The following CD163L1 variants were observed in gnomAD, a reference collection of about 807,000 sequenced individuals.
CD163L1 encodes CD163 molecule like 1.
A neutral mutation model predicts 165.4 loss-of-function variants in CD163L1; 124 were observed. The observed-to-expected ratio is 0.75, with a 90% CI of 0.65 to 0.87. The LOEUF is 0.87. CD163L1 is among the 40% of genes least tolerant of loss of function. The pLI, the probability that CD163L1 is intolerant of heterozygous loss-of-function variation, is 0.00. For synonymous variants in CD163L1, 585 were observed against 662.2 expected (o/e 0.88, Z 1.79); for missense variants, 1,525 against 1,799.9 (o/e 0.85, Z 2.76).
At position 7,396,351 on chromosome 12, in the gene CD163L1, C is replaced by T; in HGVS notation, c.1794G>A (p.Val598=). 6.2e-7 allele frequency: 1 copy of T among 1,613,330 alleles called. No individual in the cohort carries two copies. Among genetic ancestry groups the T allele is most frequent in the Non-Finnish European group, 8.5e-7 (1 of 1,179,314 alleles). The change falls in exon 8 of 20, where the codon GTG becomes GTA. Residue 598 remains valine (V), a synonymous_variant. Transcript: ENST00000313599. The part of the protein sequence containing the change: ...GSNRCSGRLE[V]YFQGRWGTVC... ...CTGTGCCCCACCGTCCTTGAAAGTA[C>T]ACCTCCAGTCTTCCCGAGCAGCGGT...
In CD163L1 at chr12:7,432,856, AT is replaced by A. The variant is rs1165155455; in HGVS notation, c.446-121del. On this transcript the variant is annotated intron_variant, in intron 3 of 19. Coordinates refer to ENST00000313599, the MANE Select transcript of CD163L1 (RefSeq NM_174941.6). This position sits in a 1 kb window ranked among gnomAD's most constrained non-coding sequence, Gnocchi z 4.2. ...TGAAGTTACCAAAAATTAAAAAAAA[AT>A]AACTGAAAATACTTATAGGAGGGGT... 8.7e-6 allele frequency: 7 copies of A among 801,858 alleles called. No individual in the cohort carries two copies. The highest frequency in any genetic ancestry group is 5.6e-5 in the East Asian group (2 of 35,958). The allele number at this position is 801,858 out of a possible 1,614,324, so 49.7% of individuals were successfully genotyped here. A position where few individuals can be genotyped will look rare whatever the true frequency, so the allele number is the denominator to read the frequency against.
At chr12:7,384,669 C>T (rs1208753567) in intron 8 of CD163L1, among the ~76,000 whole-genome samples, 3 of 151,906 alleles carry the variant, frequency 2.0e-5, no homozygotes, top group African/African-American at 7.3e-5. Flanking sequence ...GAAAAAAATG[C>T]CAGCCTAAAA....
chr12:7,368,877 G>A lies in CD163L1; in HGVS notation c.4072+56C>T. 6.3e-7 allele frequency: 1 copy of A among 1,588,580 alleles called. No individual in the cohort carries two copies. ...ATCATAGCAGTTTCTGCCCTCCCTT[G>A]ACCTTCCATGTAGCCTTAGGTATTT... On this transcript the variant is annotated intron_variant, in intron 16 of 19. Transcript: ENST00000313599. The surrounding 1 kb of genome is among the most constrained non-coding windows in gnomAD (Gnocchi z 4.3).
At chr12:7,404,947 G>A (rs1947988053) in intron 5 of CD163L1, among the ~76,000 whole-genome samples, 1 of 152,060 alleles carries the variant, frequency 6.6e-6, no homozygotes, top group African/African-American at 2.4e-5. Context: ...ATTTTAAACT[G>A]TGAAACTGTG....
intron 10 of CD163L1, 32 bp downstream of exon 10, chr12:7,375,668 C>G: frequency 6.2e-7 from 1 of 1,611,990 alleles, no homozygotes; most frequent in Non-Finnish European, 8.5e-7. Context: ...CATCTCTAGC[C>G]CCAGCCAATT....
Position 7,398,258 on chromosome 12 carries a change from T to C in CD163L1, c.1729+6A>G. The C allele has an allele frequency of 2.5e-6, 4 of 1,608,464 alleles. No homozygotes were observed. Among genetic ancestry groups the C allele is most frequent in the Non-Finnish European group, 3.4e-6 (4 of 1,176,726 alleles). Reference sequence around the variant, plus strand: ...TCAGGAAATAATAAACAAGAACAAGTCTTACCTGAGCAGGTTACAATCACA... The same window carrying C: ...TCAGGAAATAATAAACAAGAACAAGCCTTACCTGAGCAGGTTACAATCACA... On this transcript the variant is annotated splice_donor_region_variant and intron_variant, in intron 7 of 19. Transcript: ENST00000313599. The surrounding 1 kb of genome is among the most constrained non-coding windows in gnomAD (Gnocchi z 4.5).
downstream of CD163L1, among the ~76,000 whole-genome samples, chr12:7,352,943 AC>A (rs1311491659): frequency 6.6e-6 from 1 of 152,076 alleles, no homozygotes. Flanking sequence ...ATCTATACAT[AC>A]CAAAAAAAAC....
At chr12:7,418,189 C>T (rs1319354405) in intron 4 of CD163L1, among the ~76,000 whole-genome samples, 2 of 152,030 alleles carry the variant, frequency 1.3e-5, no homozygotes, top group African/African-American at 2.4e-5. Context: ...AGTACACTCT[C>T]ACACCACAAT....
At position 7,435,364 on chromosome 12, in the gene CD163L1, A is replaced by G. The variant is rs749531051; in HGVS notation, c.125-1670T>C. Among the ~76,000 whole-genome samples the G allele has an allele frequency of 3.3e-5, 5 of 151,836 alleles. 1 individual carries two copies. The highest frequency in any genetic ancestry group is 1.2e-4 in the African/African-American group (5 of 41,546). On this transcript the variant is annotated intron_variant, in intron 2 of 19. Coordinates refer to ENST00000313599, the MANE Select transcript of CD163L1 (RefSeq NM_174941.6). The stretch of plus-strand genomic sequence containing the variant: ...ATGACTATGGACTAGTATCTAGATT[A>G]TATTTTTTAAATATATATATTTAGA...
Position 7,396,147 on chromosome 12 carries a change from C to A in CD163L1, c.1998G>T (p.Gly666=), listed in dbSNP as rs767460164. ...ESDLWSCRNS[G]WGNNDCSHSE... is the part of the protein sequence containing the mutation. ...TGTGACTGCAGTCATTATTTCCCCA[C>A]CCACTGTTCCTGCATGACCAGAGAT... The change falls in exon 8 of 20, where the codon GGG becomes GGT. Residue 666 remains glycine, a synonymous_variant. Transcript: ENST00000313599. 3 of 1,614,162 alleles carry A rather than the reference C, an allele frequency of 1.9e-6. No homozygotes were observed. The highest frequency in any genetic ancestry group is 2.2e-5 in the South Asian group (2 of 91,078).
At chr12:7,333,228 G>A in the CD163L1 span, among the ~76,000 whole-genome samples, 185 of 152,166 alleles carry the variant, frequency 1.2e-3, 2 homozygotes, top group East Asian at 0.028. Flanking sequence ...AAAATTGACC[G>A]CATAGTTGGA....
chr12:7,395,389 A>T (rs974193996), intron 8 of CD163L1, among the ~76,000 whole-genome samples: 7 of 152,216 alleles, frequency 4.6e-5, no homozygotes, highest in Non-Finnish European at 1.5e-5. Flanking sequence ...GTGGGAAGTG[A>T]ACAATGAGAA....
chr12:7,319,984 G>C, the CD163L1 span, among the ~76,000 whole-genome samples: 1 of 152,196 alleles, frequency 6.6e-6, no homozygotes. Context: ...GATACACATG[G>C]TAGAAATGCT....
intron 2 of CD163L1, chr12:7,439,781 C>G: frequency 6.2e-7 from 1 of 1,613,774 alleles, no homozygotes; most frequent in East Asian, 2.2e-5. Context: ...TCACCCCCCT[C>G]GATCTTTATG....
chr12:7,385,267 AATC>A (rs1947492555), intron 8 of CD163L1, among the ~76,000 whole-genome samples: 3 of 151,956 alleles, frequency 2.0e-5, no homozygotes, highest in African/African-American at 7.2e-5. Context: ...AAAAAAAGAC[AATC>A]ATCATATAAA....
chr12:7,428,996 TG>T (rs1348432541), intron 4 of CD163L1, among the ~76,000 whole-genome samples: 1 of 152,074 alleles, frequency 6.6e-6, no homozygotes, highest in Non-Finnish European at 1.5e-5. Context: ...CTTTTAAAAA[TG>T]TAATTATATA....
intron 4 of CD163L1, among the ~76,000 whole-genome samples, chr12:7,426,319 A>G (rs1442554237): frequency 6.6e-6 from 1 of 152,096 alleles, no homozygotes; most frequent in African/African-American, 2.4e-5. Context: ...GAGGGAGAGC[A>G]TTAGGACGAA....
chr12:7,325,454 C>T, the CD163L1 span, among the ~76,000 whole-genome samples: 1 of 152,194 alleles, frequency 6.6e-6, no homozygotes, highest in South Asian at 2.1e-4. Flanking sequence ...CGAGACCAGC[C>T]TGGCCAACAT....
intron 19 of CD163L1, among the ~76,000 whole-genome samples, chr12:7,356,945 A>G (rs1050281129): frequency 1.3e-5 from 2 of 152,186 alleles, no homozygotes; most frequent in South Asian, 2.1e-4. Flanking sequence ...TAAAGCATGT[A>G]TCATCTGTCA....
Sources: allele counts gnomAD v4.1 joint callset (sites outside exome capture counted in the v4.1 genomes callset), GRCh38; gene constraint gnomAD v4.1.1; non-coding constraint Gnocchi (gnomAD v3.1); transcripts MANE v1.5; gene names NCBI Gene and HGNC (gene_info 2026-07-23, HGNC 2026-07-21).